The following TRPC5 variants were observed in gnomAD, a reference collection of about 807,000 sequenced individuals.
TRPC5 encodes the protein short transient receptor potential channel 5.
In TRPC5, 9 loss-of-function variants were observed where a neutral mutation model predicts 56.5. That is an observed-to-expected ratio of 0.16 (90% confidence interval 0.10 to 0.28). TRPC5 has a LOEUF of 0.28. Among genes scored for constraint, TRPC5 ranks in the 10% least tolerant of loss-of-function variants. TRPC5 has a pLI of 1.00. For missense variants in TRPC5, 469 were observed against 748.9 expected, an observed-to-expected ratio of 0.63 and a Z score of 4.36; for synonymous variants, 282 against 278.5, an observed-to-expected ratio of 1.01 and a Z score of -0.13.
chrX:111,888,261 A>G (rs942645499), intron 3 of TRPC5, among the ~76,000 whole-genome samples: 2 of 111,228 alleles, frequency 1.8e-5, no homozygotes, highest in Non-Finnish European at 3.8e-5. Flanking sequence ...GCAGGGCCAT[A>G]TAAACCACTA....
intron 3 of TRPC5, among the ~76,000 whole-genome samples, chrX:111,869,688 G>A (rs1569526933): frequency 8.9e-6 from 1 of 112,094 alleles, no homozygotes; most frequent in Non-Finnish European, 1.9e-5. Flanking sequence ...CTGTGTTGGC[G>A]GTGATGGACT....
At chrX:111,892,279 A>G (rs1322593349) in intron 3 of TRPC5, among the ~76,000 whole-genome samples, 1 of 112,663 alleles carries the variant, frequency 8.9e-6, no homozygotes, top group Admixed American at 9.4e-5. Context: ...TGATTCACAA[A>G]GGAATACTTG....
At chrX:111,793,436 G>C (rs2148556560) in intron 7 of TRPC5, among the ~76,000 whole-genome samples, 1 of 112,195 alleles carries the variant, frequency 8.9e-6, no homozygotes, top group East Asian at 2.8e-4. Context: ...TGGACAACAA[G>C]CTCCTGAAAA....
intron 1 of TRPC5, among the ~76,000 whole-genome samples, chrX:112,008,661 A>G (rs1323715939): frequency 3.6e-5 from 4 of 110,269 alleles, no homozygotes; most frequent in East Asian, 5.7e-4. Flanking sequence ...AAAGACCCCA[A>G]TTTTCCACTT....
chrX:111,982,400 C>G (rs112098313), intron 1 of TRPC5, among the ~76,000 whole-genome samples: 1,427 of 111,325 alleles, frequency 0.013, 26 homozygotes, highest in African/African-American at 0.044. Context: ...GGTTGTTTAT[C>G]TGGTGGGATA....
chrX:111,776,806 C>T lies in TRPC5; in HGVS notation c.2429G>A (p.Gly810Glu), dbSNP rs1161467178. Residue 810 changes from glycine to glutamate, a missense_variant, in exon 11 of 11, where the codon GGG becomes GAG. Gly to Glu is a moderately conservative substitution (Grantham distance 98, BLOSUM62 -2). Coordinates refer to ENST00000262839, the MANE Select transcript of TRPC5 (RefSeq NM_012471.3). ...TGGCATGGTTCTGATGAGAGGTGGC[C>T]CATGGCAAGTCTTTTTCTTGCAGCC... ...NLGCKKKTCHGPPLIRTMPRS... is the reference protein window; with the variant it reads ...NLGCKKKTCHEPPLIRTMPRS... 2 of 1,208,265 alleles carry T rather than the reference C, an allele frequency of 1.7e-6. No individual in the cohort carries two copies. Among genetic ancestry groups the T allele is most frequent in the East Asian group, 3.0e-5 (1 of 33,737 alleles).
chrX:111,990,079 C>G (rs986917145), intron 1 of TRPC5, among the ~76,000 whole-genome samples: 6 of 112,027 alleles, frequency 5.4e-5, no homozygotes, highest in African/African-American at 1.9e-4. Flanking sequence ...TTAAAAGGGA[C>G]AGTTAGACTA....
intron 1 of TRPC5, among the ~76,000 whole-genome samples, chrX:112,001,636 T>C (rs1223934373): frequency 9.0e-6 from 1 of 111,123 alleles, no homozygotes; most frequent in African/African-American, 3.3e-5. Context: ...TGGTGCACGC[T>C]TGTAATCCCA....
intron 1 of TRPC5, among the ~76,000 whole-genome samples, chrX:111,971,861 A>G (rs903790520): frequency 2.7e-5 from 3 of 111,671 alleles, no homozygotes; most frequent in African/African-American, 9.8e-5. Flanking sequence ...GTTTAATTTA[A>G]TTTCTTTAAG....
intron 1 of TRPC5, among the ~76,000 whole-genome samples, chrX:111,988,030 C>T (rs1485224119): frequency 2.7e-5 from 3 of 112,518 alleles, no homozygotes; most frequent in Non-Finnish European, 3.8e-5. Context: ...TTAACCACCA[C>T]GATTTATGTA....
intron 3 of TRPC5, among the ~76,000 whole-genome samples, chrX:111,908,856 G>A (rs996258827): frequency 1.3e-4 from 15 of 111,698 alleles, no homozygotes; most frequent in African/African-American, 4.9e-4. Context: ...AATTTAGCTG[G>A]CTGGGCATGG....
intron 2 of TRPC5, among the ~76,000 whole-genome samples, chrX:111,930,084 T>C (rs1325882414): frequency 1.8e-5 from 2 of 111,267 alleles, no homozygotes; most frequent in East Asian, 5.7e-4. Context: ...GTGGCCACAT[T>C]TCCTTCTTCC....
intron 2 of TRPC5, among the ~76,000 whole-genome samples, chrX:111,915,200 C>T (rs945318927): frequency 2.7e-5 from 3 of 112,046 alleles, no homozygotes; most frequent in Non-Finnish European, 5.6e-5. Flanking sequence ...TTTAGCCCCA[C>T]TTGTATGATA....
chrX:111,837,525 G>C (rs899617712), intron 6 of TRPC5, among the ~76,000 whole-genome samples: 1 of 111,747 alleles, frequency 8.9e-6, no homozygotes. Context: ...GAATGACCTT[G>C]AACACAGAAT....
At position 111,847,333 on chromosome X, in the gene TRPC5, A is replaced by G; in HGVS notation, c.1481T>C (p.Ile494Thr). 1 of 1,211,567 alleles carries G rather than the reference A, an allele frequency of 8.3e-7. No individual in the cohort carries two copies. The stretch of plus-strand genomic sequence containing the variant: ...GTGGGAGTTGGCTGTGAACAGGGAT[A>G]TGAGACGCAACGAACTTAAAATGTT... ...ISNILSSLRL[I>T]SLFTANSHLG... Residue 494 changes from isoleucine to threonine, a missense_variant, in exon 6 of 11, where the codon ATA becomes ACA. Ile to Thr is a moderately conservative substitution (Grantham distance 89). Around this residue, in one of 3 missense-constraint regions of TRPC5, gnomAD observed 157 missense variants for 360.0 expected, o/e 0.44. Transcript: ENST00000262839.
At chrX:111,866,964 C>T (rs1207428472) in intron 3 of TRPC5, among the ~76,000 whole-genome samples, 1 of 112,068 alleles carries the variant, frequency 8.9e-6, no homozygotes, top group Non-Finnish European at 1.9e-5. Context: ...TGCTCTGTGC[C>T]CAGCTCCGTG....
intron 3 of TRPC5, among the ~76,000 whole-genome samples, chrX:111,862,637 T>C (rs1220527258): frequency 8.9e-6 from 1 of 112,051 alleles, no homozygotes; most frequent in African/African-American, 3.2e-5. Context: ...AGAGGCCCAA[T>C]TGCATTCGTT....
At chrX:111,829,168 G>A (rs1473294491) in intron 7 of TRPC5, among the ~76,000 whole-genome samples, 3 of 108,524 alleles carry the variant, frequency 2.8e-5, no homozygotes, top group Non-Finnish European at 5.7e-5. Context: ...CAGGTGTGGT[G>A]GCAGGTGCCT....
chrX:111,901,321 T>G (rs947701514), intron 3 of TRPC5, among the ~76,000 whole-genome samples: 1 of 111,180 alleles, frequency 9.0e-6, no homozygotes, highest in East Asian at 2.8e-4. Flanking sequence ...TACTCACTTT[T>G]CTCCCAAATC....
Sources: allele counts gnomAD v4.1 joint callset (sites outside exome capture counted in the v4.1 genomes callset), GRCh38; gene constraint gnomAD v4.1.1; regional missense constraint gnomAD v4.1.1; transcripts MANE v1.5; gene names NCBI Gene and HGNC (gene_info 2026-07-23, HGNC 2026-07-21).